Variants in SLC35F1 observed in about 807,000 individuals in gnomAD.
SLC35F1 encodes solute carrier family 35 member F1, also known as chromosome 6 open reading frame 169.
SLC35F1 carries 14 observed loss-of-function variants against 48.7 expected under a neutral mutation model. The ratio of observed to expected loss-of-function variants is 0.29; its 90% CI spans 0.19 to 0.45. SLC35F1 has a LOEUF of 0.45. SLC35F1 is among the 20% of genes least tolerant of loss of function. The probability of loss-of-function intolerance (pLI) is 1.00; values close to 1 mark genes in which losing one functional copy is unlikely to be tolerated. For missense variants in SLC35F1, 404 were observed against 500.0 expected, an observed-to-expected ratio of 0.81 and a Z score of 1.83; for synonymous variants, 190 against 202.2, an observed-to-expected ratio of 0.94 and a Z score of 0.51.
At chr6:118,233,061 G>A (rs1775315949) in intron 2 of SLC35F1, among the ~76,000 whole-genome samples, 3 of 152,156 alleles carry the variant, frequency 2.0e-5, no homozygotes, top group South Asian at 4.2e-4. Context: ...CGCCTCCTGG[G>A]TTCAAGTGAT....
In SLC35F1 at chr6:118,119,499, C is replaced by CCCA. The variant is rs1554229003; in HGVS notation, c.174-34944_174-34943insACC. ...ATGATGCAGTAATAACCGGCGCCCC[C>CCCA]CCTCCACCCCGCTTTTTTTTTTGAG... On this transcript the variant is annotated intron_variant, in intron 1 of 7. Coordinates refer to ENST00000360388, the MANE Select transcript of SLC35F1 (RefSeq NM_001029858.4). Among the ~76,000 whole-genome samples the CCCA allele has an allele frequency of 5.4e-5, 4 of 74,562 alleles. 1 individual carries two copies. Among genetic ancestry groups the CCCA allele is most frequent in the South Asian group, 6.9e-4 (1 of 1,456 alleles). 48.9% of individuals were successfully genotyped at this position (74,562 alleles called of 152,430 possible).
intron 1 of SLC35F1, among the ~76,000 whole-genome samples, chr6:118,040,485 G>A (rs780972867): frequency 7.2e-5 from 11 of 152,212 alleles, no homozygotes; most frequent in South Asian, 2.1e-4. Context: ...TAATAAAGAC[G>A]AAAGTTACTT....
At chr6:117,921,568 A>G (rs1329818106) in intron 1 of SLC35F1, among the ~76,000 whole-genome samples, 1 of 152,046 alleles carries the variant, frequency 6.6e-6, no homozygotes, top group Non-Finnish European at 1.5e-5. Flanking sequence ...AGTGGGATAC[A>G]TGCCTTTTGG....
At chr6:118,143,950 T>C (rs142222182) in intron 1 of SLC35F1, among the ~76,000 whole-genome samples, 125 of 152,278 alleles carry the variant, frequency 8.2e-4, no homozygotes, top group African/African-American at 2.7e-3. Flanking sequence ...GGTTTTCTGA[T>C]GGAAGATGGC....
chr6:118,071,180 A>C (rs1322240656), intron 1 of SLC35F1, among the ~76,000 whole-genome samples: 1 of 143,352 alleles, frequency 7.0e-6, no homozygotes, highest in Admixed American at 7.0e-5. Flanking sequence ...TATATATACT[A>C]TGTGTGTATA....
chr6:118,206,082 G>A (rs543548462), intron 2 of SLC35F1, among the ~76,000 whole-genome samples: 1 of 152,220 alleles, frequency 6.6e-6, no homozygotes, highest in South Asian at 2.1e-4. Context: ...TCACAATATT[G>A]TAAATGTATG....
At chr6:118,101,367 T>C (rs1012816605) in intron 1 of SLC35F1, among the ~76,000 whole-genome samples, 1 of 152,194 alleles carries the variant, frequency 6.6e-6, no homozygotes, top group South Asian at 2.1e-4. Context: ...GCTGTGTGAA[T>C]TGAAGGCCAC....
intron 1 of SLC35F1, among the ~76,000 whole-genome samples, chr6:117,947,755 T>G (rs967635780): frequency 6.6e-6 from 1 of 152,150 alleles, no homozygotes; most frequent in Non-Finnish European, 1.5e-5. Flanking sequence ...GTGTTGTATT[T>G]GGAATGTATA....
chr6:118,110,350 C>G (rs1773381715), intron 1 of SLC35F1, among the ~76,000 whole-genome samples: 1 of 152,056 alleles, frequency 6.6e-6, no homozygotes, highest in Non-Finnish European at 1.5e-5. Flanking sequence ...CAGCTAAAAC[C>G]TGTATTGGTA....
At chr6:118,008,305 C>T (rs1350621035) in intron 1 of SLC35F1, among the ~76,000 whole-genome samples, 2 of 151,468 alleles carry the variant, frequency 1.3e-5, no homozygotes, top group Non-Finnish European at 2.9e-5. Flanking sequence ...GCGACTATCA[C>T]ATTGTATTTA....
chr6:118,037,811 T>C (rs1056956481), intron 1 of SLC35F1, among the ~76,000 whole-genome samples: 4 of 151,032 alleles, frequency 2.6e-5, no homozygotes, highest in African/African-American at 9.8e-5. Flanking sequence ...TAAACGGGAA[T>C]TGAACAATGA....
intron 2 of SLC35F1, among the ~76,000 whole-genome samples, chr6:118,230,351 A>AT (rs1238526646): frequency 1.4e-5 from 2 of 145,022 alleles, no homozygotes; most frequent in Non-Finnish European, 3.1e-5. Flanking sequence ...AAAAAAAAAA[A>AT]GAAGAAAAAC....
intron 1 of SLC35F1, among the ~76,000 whole-genome samples, chr6:117,941,827 C>T (rs1238792029): frequency 6.6e-6 from 1 of 152,172 alleles, no homozygotes; most frequent in African/African-American, 2.4e-5. Context: ...CCCCCAATCC[C>T]CGATGTGGGA....
chr6:118,096,726 T>C (rs990059201), intron 1 of SLC35F1, among the ~76,000 whole-genome samples: 5 of 152,182 alleles, frequency 3.3e-5, no homozygotes, highest in African/African-American at 1.2e-4. Context: ...TTTTGGACCA[T>C]TTATTCATTC....
intron 1 of SLC35F1, among the ~76,000 whole-genome samples, chr6:117,998,246 C>A (rs1324383040): frequency 4.3e-4 from 59 of 135,758 alleles, no homozygotes; most frequent in East Asian, 2.7e-3. Flanking sequence ...ATATATGCAC[C>A]CAATACAGGA....
At chr6:118,070,953 A>ATTC (rs1450199309) in intron 1 of SLC35F1, among the ~76,000 whole-genome samples, 22 of 89,526 alleles carry the variant, frequency 2.5e-4, no homozygotes, top group African/African-American at 7.1e-4. Context: ...TAGTATATAT[A>ATTC]TACTGTGTAT....
chr6:118,183,133 C>T (rs1167245515), intron 2 of SLC35F1, among the ~76,000 whole-genome samples: 5 of 152,146 alleles, frequency 3.3e-5, no homozygotes. Context: ...CTCTAGATGT[C>T]TTGAAATACC....
At chr6:118,020,199 G>T (rs1217707428) in intron 1 of SLC35F1, among the ~76,000 whole-genome samples, 1 of 152,128 alleles carries the variant, frequency 6.6e-6, no homozygotes, top group African/African-American at 2.4e-5. Flanking sequence ...GCTGGCCTTT[G>T]ACACATCTGA....
chr6:118,087,638 C>A (rs150234988), intron 1 of SLC35F1, among the ~76,000 whole-genome samples: 13 of 152,258 alleles, frequency 8.5e-5, no homozygotes, highest in African/African-American at 1.4e-4. Flanking sequence ...CCTCTGCCTA[C>A]CTCTCCAAAA....
Sources: gnomAD v4.1 joint callset for allele counts (sites outside exome capture counted in the v4.1 genomes callset) on GRCh38, gnomAD v4.1.1 for gene constraint, MANE v1.5 for transcripts, NCBI Gene and HGNC (gene_info 2026-07-23, HGNC 2026-07-21) for gene names.